The following VPS33A variants were observed in gnomAD, a reference collection of about 807,000 sequenced individuals.
VPS33A encodes the protein VPS33A core subunit of CORVET and HOPS complexes.
In VPS33A, 32 loss-of-function variants were observed where a neutral mutation model predicts 71.8. The ratio of observed to expected loss-of-function variants is 0.45; its 90% CI spans 0.34 to 0.60. The LOEUF is 0.60. Among genes scored for constraint, VPS33A ranks in the 20% least tolerant of loss-of-function variants. The probability of loss-of-function intolerance (pLI) is 0.02; values close to 1 mark genes in which losing one functional copy is unlikely to be tolerated. For synonymous variants in VPS33A, 311 were observed against 292.7 expected (o/e 1.06, Z -0.64); for missense variants, 625 against 748.5 (o/e 0.84, Z 1.92).
chr12:122,244,498 C>T, intron 7 of VPS33A, 71 bp downstream of exon 7: 1 of 1,365,564 alleles, frequency 7.3e-7, no homozygotes, highest in East Asian at 2.3e-5. Flanking sequence ...TTTTGGAGCT[C>T]TTATTCCCCT....
intron 4 of VPS33A, among the ~76,000 whole-genome samples, chr12:122,259,245 G>A (rs1392817780): frequency 1.3e-5 from 2 of 151,578 alleles, no homozygotes; most frequent in African/African-American, 2.4e-5. Flanking sequence ...TTGAGACAGA[G>A]TTTCACTCTT....
intron 6 of VPS33A, among the ~76,000 whole-genome samples, chr12:122,245,644 C>T (rs1189718924): frequency 2.0e-5 from 3 of 152,156 alleles, no homozygotes; most frequent in African/African-American, 4.8e-5. Context: ...CAGGGTTTCA[C>T]CATGTTGGCC....
At chr12:122,250,200 C>T in intron 5 of VPS33A, 155 bp from the exon 6 acceptor site, 1 of 750,074 alleles carries the variant, frequency 1.3e-6, no homozygotes, top group Non-Finnish European at 2.0e-6. Context: ...AAGCACCTTG[C>T]TGTTGGCACC....
intron 10 of VPS33A, among the ~76,000 whole-genome samples, chr12:122,236,631 C>T (rs752384548): frequency 5.3e-5 from 8 of 152,134 alleles, no homozygotes; most frequent in Non-Finnish European, 1.2e-4. Context: ...GAGATACTGT[C>T]TCAAAAAATA....
intron 9 of VPS33A, among the ~76,000 whole-genome samples, chr12:122,238,986 CAT>C (rs1352888614): frequency 3.0e-5 from 4 of 132,766 alleles, no homozygotes; most frequent in Admixed American, 2.2e-4. Flanking sequence ...CCCACACACA[CAT>C]ACATACATAC....
intron 8 of VPS33A, 33 bp from the exon 9 acceptor site, chr12:122,239,978 A>G: frequency 6.6e-7 from 1 of 1,508,966 alleles, no homozygotes; most frequent in Non-Finnish European, 9.2e-7. Flanking sequence ...GCAACTTAGA[A>G]ATTAAATGTT....
intron 8 of VPS33A, 35 bp downstream of exon 8, chr12:122,242,347 C>T: frequency 6.3e-7 from 1 of 1,599,110 alleles, no homozygotes; most frequent in Non-Finnish European, 8.6e-7. Flanking sequence ...TGCAAGTAGC[C>T]CCAGACTGAA....
chr12:122,256,470 T>C (rs1160927138), intron 4 of VPS33A, among the ~76,000 whole-genome samples: 1 of 151,790 alleles, frequency 6.6e-6, no homozygotes, highest in Non-Finnish European at 1.5e-5. Context: ...GCTACTCGGA[T>C]AGCTAAGACG....
At chr12:122,256,833 A>C (rs897642913) in intron 4 of VPS33A, among the ~76,000 whole-genome samples, 4 of 152,200 alleles carry the variant, frequency 2.6e-5, no homozygotes, top group African/African-American at 9.7e-5. Context: ...AGAGAGGAAA[A>C]AAATGCTCTC....
In VPS33A at chr12:122,231,069, T is replaced by A. The variant is rs549661573; in HGVS notation, c.*1177A>T. 3 of 152,248 alleles carry A rather than the reference T, an allele frequency of 2.0e-5. No homozygotes were observed. The South Asian group carries it at 6.2e-4, about 32-fold the overall frequency. The allele number at this position is 152,248 out of a possible 1,614,324, so 9.4% of individuals were successfully genotyped here. A position where few individuals can be genotyped will look rare whatever the true frequency, so the allele number is the denominator to read the frequency against. On this transcript the variant is annotated 3_prime_UTR_variant, in exon 13 of 13. Coordinates refer to ENST00000267199, the MANE Select transcript of VPS33A (RefSeq NM_022916.6). Reference sequence around the variant, plus strand: ...TGGCCAGATGCTGAAGAAGCAAGAGTTGCCCCTGCTCACTGTGGGACCAGT... The same window carrying A: ...TGGCCAGATGCTGAAGAAGCAAGAGATGCCCCTGCTCACTGTGGGACCAGT...
chr12:122,256,113 TAA>T (rs1475661969), intron 4 of VPS33A, among the ~76,000 whole-genome samples: 1 of 152,110 alleles, frequency 6.6e-6, no homozygotes, highest in Non-Finnish European at 1.5e-5. Context: ...TTTTTTTAAA[TAA>T]GTTTCATTTT....
intron 1 of VPS33A, 126 bp from the exon 2 acceptor site, chr12:122,264,325 G>T: frequency 1.7e-6 from 1 of 589,646 alleles, no homozygotes; most frequent in Non-Finnish European, 2.7e-6. Flanking sequence ...TTATCCTAGT[G>T]TTACAAAATT....
chr12:122,258,743 G>A (rs1167100393), intron 4 of VPS33A, among the ~76,000 whole-genome samples: 1 of 152,038 alleles, frequency 6.6e-6, no homozygotes, highest in Non-Finnish European at 1.5e-5. Flanking sequence ...CACTTTGGGA[G>A]GCTGAGATAG....
At chr12:122,256,791 C>A (rs1954924532) in intron 4 of VPS33A, among the ~76,000 whole-genome samples, 1 of 152,126 alleles carries the variant, frequency 6.6e-6, no homozygotes, top group African/African-American at 2.4e-5. Flanking sequence ...TACAAACAGG[C>A]TCATTCTCGG....
chr12:122,250,080 CT>C (rs759929581), intron 5 of VPS33A, 35 bp from the exon 6 acceptor site: 3 of 1,545,478 alleles, frequency 1.9e-6, no homozygotes, highest in East Asian at 2.3e-5. Flanking sequence ...TGGGGCCCCC[CT>C]GGGAACAAGC....
rs766423302 is a variant in VPS33A at position 122,261,426 on chromosome 12, C to T, written c.318G>A (p.Thr106=). The change falls in exon 4 of 13, where the codon ACG becomes ACA. Residue 106 remains threonine (T), a synonymous_variant. Transcript: ENST00000267199. ...GCACAAACAGAATATGAAAATCTCT[C>T]GTTGGGCCTCGTCTATCTTCACTGC... ...NVLSEDRRGP[T]RDFHILFVPR... is the part of the protein sequence containing the mutation. 9.9e-6 allele frequency: 16 copies of T among 1,613,770 alleles called. No individual in the cohort carries two copies. Among genetic ancestry groups the T allele is most frequent in the African/African-American group, 6.7e-5 (5 of 74,886 alleles).
At chr12:122,246,803 T>C (rs1456434430) in intron 6 of VPS33A, among the ~76,000 whole-genome samples, 1 of 152,126 alleles carries the variant, frequency 6.6e-6, no homozygotes. Flanking sequence ...GGTTTCACTA[T>C]GTTGGTCAGG....
intron 7 of VPS33A, among the ~76,000 whole-genome samples, chr12:122,243,366 C>G (rs1954738926): frequency 6.6e-6 from 1 of 151,910 alleles, no homozygotes; most frequent in Non-Finnish European, 1.5e-5. Flanking sequence ...TCCCAAGGAG[C>G]TGGGATTACA....
chr12:122,235,640 C>G, intron 11 of VPS33A, 146 bp downstream of exon 11: 1 of 1,055,538 alleles, frequency 9.5e-7, no homozygotes, highest in Non-Finnish European at 1.3e-6. Flanking sequence ...CTGATGGATA[C>G]AATACATGCA....
Sources: allele counts gnomAD v4.1 joint callset (sites outside exome capture counted in the v4.1 genomes callset), GRCh38; gene constraint gnomAD v4.1.1; transcripts MANE v1.5; gene names NCBI Gene and HGNC (gene_info 2026-07-23, HGNC 2026-07-21).